The following DSCAM variants were observed in gnomAD, a reference collection of about 807,000 sequenced individuals.
The protein encoded by DSCAM is cell adhesion molecule DSCAM.
A neutral mutation model predicts 217.7 loss-of-function variants in DSCAM; 47 were observed. The ratio of observed to expected loss-of-function variants is 0.22; its 90% CI spans 0.17 to 0.28. The LOEUF is 0.28. Ranked by LOEUF, DSCAM falls within the 10% of genes least tolerant of loss-of-function variation. DSCAM has a pLI of 1.00. For missense variants in DSCAM, 2,080 were observed against 2,618.3 expected (o/e 0.79, Z 4.49); for synonymous variants, 1,056 against 1,015.3 (o/e 1.04, Z -0.76).
chr21:40,625,555 G>A (rs764066162), intron 3 of DSCAM, among the ~76,000 whole-genome samples: 15 of 152,042 alleles, frequency 9.9e-5, no homozygotes, highest in Non-Finnish European at 1.6e-4. Flanking sequence ...AACTTGCTCA[G>A]TTAGAATCTC....
At chr21:40,745,584 T>G (rs1381220839) in intron 1 of DSCAM, among the ~76,000 whole-genome samples, 1 of 152,114 alleles carries the variant, frequency 6.6e-6, no homozygotes, top group East Asian at 1.9e-4. Flanking sequence ...AATGGAGAGA[T>G]AAAGACTTTC....
chr21:40,022,378 C>T (rs1335978128), intron 32 of DSCAM, among the ~76,000 whole-genome samples: 1 of 152,232 alleles, frequency 6.6e-6, no homozygotes, highest in Non-Finnish European at 1.5e-5. Context: ...AACGGTGCTG[C>T]TGTTGAGAAA....
At chr21:40,218,052 T>A (rs1035609649) in intron 11 of DSCAM, among the ~76,000 whole-genome samples, 1 of 152,228 alleles carries the variant, frequency 6.6e-6, no homozygotes, top group Non-Finnish European at 1.5e-5. Flanking sequence ...GCTTTTGGTA[T>A]CTTTTTCATG....
At chr21:40,565,061 A>G (rs528256460) in intron 3 of DSCAM, among the ~76,000 whole-genome samples, 1 of 152,310 alleles carries the variant, frequency 6.6e-6, no homozygotes, top group Non-Finnish European at 1.5e-5. Flanking sequence ...TGTGAAGACA[A>G]CAAAGTAAAG....
intron 19 of DSCAM, among the ~76,000 whole-genome samples, chr21:40,130,865 A>T (rs2090148034): frequency 6.6e-6 from 1 of 152,216 alleles, no homozygotes; most frequent in Admixed American, 6.5e-5. Flanking sequence ...TAGTATGACC[A>T]GTGACCTAAT....
At position 40,808,246 on chromosome 21, in the gene DSCAM, T is replaced by A. The variant is rs141759331; in HGVS notation, c.43+38373A>T. ...TCCTTGTATCAGTCAACATCTCTAC[T>A]CACCAGACCACAAGAAGACCAAGAG... On this transcript the variant is annotated intron_variant, in intron 1 of 32. Coordinates refer to ENST00000400454, the MANE Select transcript of DSCAM (RefSeq NM_001389.5). 1.1e-4 allele frequency among the ~76,000 whole-genome samples: 17 copies of A among 152,152 alleles called. No individual in the cohort carries two copies. In the East Asian group the frequency reaches 3.1e-3, roughly 28 times the overall value.
At chr21:40,254,101 T>C (rs896201339) in intron 11 of DSCAM, among the ~76,000 whole-genome samples, 1 of 152,180 alleles carries the variant, frequency 6.6e-6, no homozygotes, top group Non-Finnish European at 1.5e-5. Context: ...AATTGTAGGA[T>C]ACCCAGTTGG....
At chr21:40,713,138 G>C (rs1484986795) in intron 1 of DSCAM, among the ~76,000 whole-genome samples, 1 of 152,194 alleles carries the variant, frequency 6.6e-6, no homozygotes, top group Non-Finnish European at 1.5e-5. Flanking sequence ...ACCTCCTTGG[G>C]GATGTTGGCA....
intron 3 of DSCAM, among the ~76,000 whole-genome samples, chr21:40,554,213 T>TA (rs1317520256): frequency 6.6e-6 from 1 of 150,756 alleles, no homozygotes; most frequent in African/African-American, 2.5e-5. Context: ...TTTTTTTTTT[T>TA]AATGCGACAA....
intron 1 of DSCAM, among the ~76,000 whole-genome samples, chr21:40,774,714 C>T (rs2091473614): frequency 6.6e-6 from 1 of 151,864 alleles, no homozygotes; most frequent in South Asian, 2.1e-4. Flanking sequence ...TACTGGAAGC[C>T]ACATTCATCA....
chr21:40,147,816 A>G (rs2146726468), intron 16 of DSCAM, among the ~76,000 whole-genome samples: 1 of 152,078 alleles, frequency 6.6e-6, no homozygotes, highest in East Asian at 1.9e-4. Context: ...ATTCCATCAT[A>G]TTGATGTTTT....
chr21:40,769,599 T>C (rs1471866426), intron 1 of DSCAM, among the ~76,000 whole-genome samples: 1 of 152,172 alleles, frequency 6.6e-6, no homozygotes, highest in Non-Finnish European at 1.5e-5. Context: ...CCAAGAGTCT[T>C]GTGCTTAACT....
intron 1 of DSCAM, among the ~76,000 whole-genome samples, chr21:40,728,429 T>A (rs1297912765): frequency 6.6e-6 from 1 of 152,068 alleles, no homozygotes. Flanking sequence ...CTTTTTTTTT[T>A]TTATTTTGAG....
chr21:40,245,873 A>C (rs923280785), intron 11 of DSCAM, among the ~76,000 whole-genome samples: 1 of 152,046 alleles, frequency 6.6e-6, no homozygotes, highest in African/African-American at 2.4e-5. Flanking sequence ...TTCCTTAAAA[A>C]CTAGGAGCTC....
intron 1 of DSCAM, among the ~76,000 whole-genome samples, chr21:40,749,963 T>C (rs538942562): frequency 7.9e-5 from 12 of 152,056 alleles, no homozygotes; most frequent in African/African-American, 2.4e-4. Flanking sequence ...TTTTGAGACA[T>C]GTTACCCAGG....
chr21:40,105,428 G>A (rs2089807021), intron 20 of DSCAM, among the ~76,000 whole-genome samples: 1 of 152,166 alleles, frequency 6.6e-6, no homozygotes, highest in African/African-American at 2.4e-5. Flanking sequence ...ACTGAATCAT[G>A]GGTGTGGTTA....
In DSCAM at chr21:40,080,138, G is replaced by GGGCCGGGCGCGGTGTCTC. The variant is rs760634219; in HGVS notation, c.4420+13_4420+14insGAGACACCGCGCCCGGCC. 6.5e-7 allele frequency: 1 copy of GGGCCGGGCGCGGTGTCTC among 1,543,198 alleles called. No homozygotes were observed. Among genetic ancestry groups the GGGCCGGGCGCGGTGTCTC allele is most frequent in the East Asian group, 2.4e-5 (1 of 41,748 alleles). On this transcript the variant is annotated intron_variant, in intron 25 of 32. Coordinates refer to ENST00000400454, the MANE Select transcript of DSCAM (RefSeq NM_001389.5). ...AAGAAAGGATATTAAGAAGCGATGA[G>GGGCCGGGCGCGGTGTCTC]AAGGCATACCTACCTTTTCCTAAGG... is the stretch of plus-strand genomic sequence containing the variant.
chr21:40,613,459 AG>A (rs2089343641), intron 3 of DSCAM, among the ~76,000 whole-genome samples: 1 of 152,226 alleles, frequency 6.6e-6, no homozygotes, highest in Non-Finnish European at 1.5e-5. Context: ...CTTAAAAAAA[AG>A]ATTTTTTAAA....
Position 40,121,421 on chromosome 21 carries a change from GAGAT to G in DSCAM, c.3696+2770_3696+2773del, listed in dbSNP as rs1394067985. On this transcript the variant is annotated intron_variant, in intron 20 of 32. Transcript: ENST00000400454. Reference sequence around the variant, plus strand: ...GGTCTCGTGCTCTTAAATGATGGTTGAGATAGATAGACAGGAAGGTGGATATGGA... The same window carrying G: ...GGTCTCGTGCTCTTAAATGATGGTTGAGATAGACAGGAAGGTGGATATGGA... Among the ~76,000 whole-genome samples the G allele has an allele frequency of 4.6e-5, 7 of 152,112 alleles. No homozygotes were observed. In the East Asian group the frequency reaches 1.2e-3, roughly 25 times the overall value.
Sources: gnomAD v4.1 joint callset for allele counts (sites outside exome capture counted in the v4.1 genomes callset) on GRCh38, gnomAD v4.1.1 for gene constraint, MANE v1.5 for transcripts, NCBI Gene and HGNC (gene_info 2026-07-23, HGNC 2026-07-21) for gene names.